RAB21: variants seen among roughly 807,000 people sequenced by gnomAD.
RAB21 encodes the protein RAB21, member RAS oncogene family.
Under a neutral mutation model 33.1 loss-of-function variants are expected in RAB21, and 13 were observed. The ratio of observed to expected loss-of-function variants is 0.39; its 90% confidence interval spans 0.26 to 0.62. The LOEUF is 0.62. Among genes scored for constraint, RAB21 ranks in the 20% least tolerant of loss-of-function variants. The pLI, the probability that RAB21 is intolerant of heterozygous loss-of-function variation, is 0.48. For synonymous variants in RAB21, 91 were observed against 103.7 expected (o/e 0.88, Z 0.74); for missense variants, 234 against 279.1 (o/e 0.84, Z 1.15).
At chr12:71,775,639 C>T (rs1427678788) in intron 4 of RAB21, among the ~76,000 whole-genome samples, 2 of 152,072 alleles carry the variant, frequency 1.3e-5, no homozygotes, top group Non-Finnish European at 2.9e-5. Flanking sequence ...TGGGTTCAAG[C>T]GATTCTCCTC....
chr12:71,755,341 G>T lies in RAB21; in HGVS notation c.159+53G>T, dbSNP rs1019341524. 3.6e-5 allele frequency: 52 copies of T among 1,434,464 alleles called. No individual in the cohort carries two copies. In the African/African-American group the frequency reaches 6.7e-4, roughly 18 times the overall value. 88.9% of individuals were successfully genotyped at this position (1,434,464 alleles called of 1,614,324 possible). On this transcript the variant is annotated intron_variant, in intron 1 of 6. Transcript: ENST00000261263. Reference sequence around the variant, plus strand: ...CGCCTCAGGGCCCCTACCCCTCCGGGGCTGGGGAAACTTTGCCGCCCTGGT... The same window carrying T: ...CGCCTCAGGGCCCCTACCCCTCCGGTGCTGGGGAAACTTTGCCGCCCTGGT...
chr12:71,790,005 A>G lies in RAB21; in HGVS notation c.*4332A>G, dbSNP rs1883356300. ...TCTAAATAAATACCACTTAATTGAT[A>G]GACCTTTAGCAGTTCTTGTGCTATC... On this transcript the variant is annotated 3_prime_UTR_variant, in exon 7 of 7. Coordinates refer to ENST00000261263, the MANE Select transcript of RAB21 (RefSeq NM_014999.4). 2 of 152,190 alleles carry G rather than the reference A, an allele frequency of 1.3e-5. No homozygotes were observed. Among genetic ancestry groups the G allele is most frequent in the Non-Finnish European group, 2.9e-5 (2 of 68,008 alleles). 9.4% of individuals were successfully genotyped at this position (152,190 alleles called of 1,614,324 possible).
chr12:71,770,396 C>G lies in RAB21; in HGVS notation c.220-196C>G. 5 of 559,820 alleles carry G rather than the reference C, an allele frequency of 8.9e-6. No homozygotes were observed. The South Asian group carries it at 1.0e-4, about 11-fold the overall frequency. The allele number at this position is 559,820 out of a possible 1,614,324, so 34.7% of individuals were successfully genotyped here. ...GGGAAAAAGTAACTTTTGTATATCACTAAAACATTACATATTGGTCATAAC... is the reference window on the plus strand; with the variant it reads ...GGGAAAAAGTAACTTTTGTATATCAGTAAAACATTACATATTGGTCATAAC... On this transcript the variant is annotated intron_variant, in intron 2 of 6. Transcript: ENST00000261263.
intron 4 of RAB21, among the ~76,000 whole-genome samples, chr12:71,774,588 G>A (rs560728077): frequency 6.6e-6 from 1 of 151,290 alleles, no homozygotes; most frequent in Non-Finnish European, 1.5e-5. Context: ...GTGAAACCCC[G>A]CTCTAATAAA....
intron 1 of RAB21, among the ~76,000 whole-genome samples, chr12:71,769,049 A>C (rs1162391514): frequency 6.6e-6 from 1 of 152,176 alleles, no homozygotes; most frequent in Non-Finnish European, 1.5e-5. Context: ...ACCCACTTGG[A>C]GTTCCCTGTG....
chr12:71,793,758 C>T lies in RAB21; in HGVS notation c.*8085C>T, dbSNP rs1218408610. The T allele has an allele frequency of 1.3e-5, 2 of 152,184 alleles. No homozygotes were observed. Among genetic ancestry groups the T allele is most frequent in the Non-Finnish European group, 2.9e-5 (2 of 68,026 alleles). The allele number at this position is 152,184 out of a possible 1,614,324, so 9.4% of individuals were successfully genotyped here. On this transcript the variant is annotated 3_prime_UTR_variant, in exon 7 of 7. Coordinates refer to ENST00000261263, the MANE Select transcript of RAB21 (RefSeq NM_014999.4). ...TGCGAAAGACATAATTTTGGGTGAACTTTCTTGAAGATGGTCAGAAAGGGC... is the reference window on the plus strand; with the variant it reads ...TGCGAAAGACATAATTTTGGGTGAATTTTCTTGAAGATGGTCAGAAAGGGC...
chr12:71,793,555 G>T lies in RAB21; in HGVS notation c.*7882G>T, dbSNP rs1448646885. On this transcript the variant is annotated 3_prime_UTR_variant, in exon 7 of 7. Coordinates refer to ENST00000261263, the MANE Select transcript of RAB21 (RefSeq NM_014999.4). Reference sequence around the variant, plus strand: ...ACACACACAAACTATCCCATTAGTTGGTTATACACAAGTTACTTTCATTCT... The same window carrying T: ...ACACACACAAACTATCCCATTAGTTTGTTATACACAAGTTACTTTCATTCT... The T allele has an allele frequency of 6.6e-6, 1 of 152,096 alleles. No homozygotes were observed. Among genetic ancestry groups the T allele is most frequent in the East Asian group, 1.9e-4 (1 of 5,192 alleles). 9.4% of individuals were successfully genotyped at this position (152,096 alleles called of 1,614,324 possible).
intron 1 of RAB21, among the ~76,000 whole-genome samples, chr12:71,767,913 T>C (rs1375116941): frequency 6.6e-6 from 1 of 152,158 alleles, no homozygotes; most frequent in African/African-American, 2.4e-5. Context: ...ATGAAAATGA[T>C]TGAGTTCAAA....
At position 71,771,163 on chromosome 12, in the gene RAB21, T is replaced by C. The variant is rs1283564298; in HGVS notation, c.327+464T>C. Among the ~76,000 whole-genome samples the C allele has an allele frequency of 2.0e-5, 3 of 152,172 alleles. No homozygotes were observed. The East Asian group carries it at 5.8e-4, about 29-fold the overall frequency. ...ATTTAAGCTTTCTCCTTGCCAAATATAATAAAAGTTTTAAAAGGACAGTCT... is the reference window on the plus strand; with the variant it reads ...ATTTAAGCTTTCTCCTTGCCAAATACAATAAAAGTTTTAAAAGGACAGTCT... On this transcript the variant is annotated intron_variant, in intron 3 of 6. Coordinates refer to ENST00000261263, the MANE Select transcript of RAB21 (RefSeq NM_014999.4).
chr12:71,778,188 A>T (rs1179742997), intron 4 of RAB21, among the ~76,000 whole-genome samples: 1 of 152,212 alleles, frequency 6.6e-6, no homozygotes, highest in Non-Finnish European at 1.5e-5. Flanking sequence ...CTAACCAGTA[A>T]TAGAGAACCA....
intron 4 of RAB21, among the ~76,000 whole-genome samples, chr12:71,777,375 TCA>T (rs1883137291): frequency 1.3e-5 from 2 of 152,246 alleles, no homozygotes; most frequent in African/African-American, 2.4e-5. Context: ...ATATAGTTGT[TCA>T]TTTTATTCTG....
chr12:71,778,923 A>G (rs2137654591), intron 4 of RAB21, among the ~76,000 whole-genome samples: 1 of 152,282 alleles, frequency 6.6e-6, no homozygotes, highest in East Asian at 1.9e-4. Context: ...CAGGCGGATC[A>G]TTTGAGGTCA....
intron 6 of RAB21, among the ~76,000 whole-genome samples, chr12:71,784,959 G>A (rs1485915640): frequency 6.6e-6 from 1 of 151,874 alleles, no homozygotes; most frequent in Non-Finnish European, 1.5e-5. Context: ...CAGGCATGGT[G>A]TTGCATACCT....
Position 71,782,663 on chromosome 12 carries a change from G to T in RAB21, c.535+5G>T. ...TCTTTCTTGACCTTTGTAAAAGTAG[G>T]TATATTCAGATTTAGTTTGTTTAGA... On this transcript the variant is annotated splice_donor_5th_base_variant and intron_variant, in intron 6 of 6. Transcript: ENST00000261263. 1 of 1,545,222 alleles carries T rather than the reference G, an allele frequency of 6.5e-7. No homozygotes were observed. Among genetic ancestry groups the T allele is most frequent in the Non-Finnish European group, 8.8e-7 (1 of 1,133,528 alleles).
chr12:71,782,602 A>T lies in RAB21; in HGVS notation c.479A>T (p.His160Leu). 1.2e-6 allele frequency: 2 copies of T among 1,603,720 alleles called. No individual in the cohort carries two copies. The highest frequency in any genetic ancestry group is 1.7e-6 in the Non-Finnish European group (2 of 1,173,884). Residue 160 changes from histidine to leucine, a missense_variant, in exon 6 of 7, where the codon CAT becomes CTT. By Grantham distance (99) the His-to-Leu change is moderately conservative (BLOSUM62 -3). Coordinates refer to ENST00000261263, the MANE Select transcript of RAB21 (RefSeq NM_014999.4). ...YAESVGAKHY[H>L]TSAKQNKGIE... is the part of the protein sequence containing the mutation. Reference sequence around the variant, plus strand: ...GAATCTGTGGGAGCAAAACATTATCATACTTCAGCCAAACAGAACAAAGGA... The same window carrying T: ...GAATCTGTGGGAGCAAAACATTATCTTACTTCAGCCAAACAGAACAAAGGA...
At chr12:71,761,559 T>G (rs1482510161) in intron 1 of RAB21, among the ~76,000 whole-genome samples, 1 of 152,036 alleles carries the variant, frequency 6.6e-6, no homozygotes, top group Non-Finnish European at 1.5e-5. Context: ...GTACCTGTAA[T>G]CCCAGCTACT....
chr12:71,774,756 TAAAAAAAAA>T (rs34870844), intron 4 of RAB21, among the ~76,000 whole-genome samples: 1 of 133,856 alleles, frequency 7.5e-6, no homozygotes, highest in Non-Finnish European at 1.6e-5. Context: ...GACTGTGTCT[TAAAAAAAAA>T]AAAAAAAAGA....
chr12:71,791,698 T>G lies in RAB21; in HGVS notation c.*6025T>G, dbSNP rs1247189124. Reference sequence around the variant, plus strand: ...CTTCCCTCATCATCCCACATCCCTTTTTAGAGGTAACCATTGTTAACAGTT... The same window carrying G: ...CTTCCCTCATCATCCCACATCCCTTGTTAGAGGTAACCATTGTTAACAGTT... On this transcript the variant is annotated 3_prime_UTR_variant, in exon 7 of 7. Transcript: ENST00000261263. 1 of 152,194 alleles carries G rather than the reference T, an allele frequency of 6.6e-6. No homozygotes were observed. Among genetic ancestry groups the G allele is most frequent in the Non-Finnish European group, 1.5e-5 (1 of 68,028 alleles). The allele number at this position is 152,194 out of a possible 1,614,324, so 9.4% of individuals were successfully genotyped here. A position where few individuals can be genotyped will look rare whatever the true frequency, so the allele number is the denominator to read the frequency against.
intron 1 of RAB21, among the ~76,000 whole-genome samples, chr12:71,760,925 G>A (rs545128932): frequency 6.6e-6 from 1 of 152,076 alleles, no homozygotes; most frequent in African/African-American, 2.4e-5. Flanking sequence ...CTTGGATTTG[G>A]CTGGGTGCAG....
Sources: gnomAD v4.1 joint callset for allele counts (sites outside exome capture counted in the v4.1 genomes callset) on GRCh38, gnomAD v4.1.1 for gene constraint, MANE v1.5 for transcripts, NCBI Gene and HGNC (gene_info 2026-07-23, HGNC 2026-07-21) for gene names.